GPC6: variants seen among roughly 807,000 people sequenced by gnomAD.
The protein encoded by GPC6 is glypican 6.
A neutral mutation model predicts 55.2 loss-of-function variants in GPC6; 14 were observed. That is an observed-to-expected ratio of 0.25 (90% CI 0.17 to 0.40). The LOEUF (loss-of-function observed/expected upper bound fraction) is 0.40. GPC6 is among the 10% of genes least tolerant of loss of function. The probability of loss-of-function intolerance (pLI) is 1.00; values close to 1 mark genes in which losing one functional copy is unlikely to be tolerated. For synonymous variants in GPC6, 278 were observed against 259.6 expected (o/e 1.07, Z -0.68); for missense variants, 641 against 708.5 (o/e 0.90, Z 1.08).
At chr13:93,291,553 T>C (rs1169329108) in intron 1 of GPC6, among the ~76,000 whole-genome samples, 1 of 152,152 alleles carries the variant, frequency 6.6e-6, no homozygotes, top group Admixed American at 6.6e-5. Context: ...TATTATAGTT[T>C]AAGTAGCTCA....
intron 1 of GPC6, among the ~76,000 whole-genome samples, chr13:93,336,631 T>G (rs1327560498): frequency 6.6e-6 from 1 of 152,164 alleles, no homozygotes; most frequent in Non-Finnish European, 1.5e-5. Flanking sequence ...GAAGCTCTGT[T>G]AGGTAACATT....
chr13:94,381,200 C>T (rs1334007405), intron 6 of GPC6, among the ~76,000 whole-genome samples: 1 of 152,134 alleles, frequency 6.6e-6, no homozygotes. Context: ...ATCCCATTCC[C>T]CATCAAATGT....
chr13:93,882,236 C>A (rs2140310854), intron 3 of GPC6, among the ~76,000 whole-genome samples: 1 of 152,074 alleles, frequency 6.6e-6, no homozygotes, highest in Admixed American at 6.6e-5. Flanking sequence ...CTCACTGCAG[C>A]CTTGACCTTC....
chr13:93,703,641 G>A (rs9301900), intron 2 of GPC6, among the ~76,000 whole-genome samples: 71,852 of 151,472 alleles, frequency 0.47, 19,084 homozygotes, highest in Middle Eastern at 0.73. Flanking sequence ...TCCACCCCCC[G>A]CCCCCGTTAA....
rs915718872 is a variant in GPC6, at chr13:93,801,427, T to G, written c.320-28727T>G. ...GTGGGTTTGATTCTTCCTCAGTGCT[T>G]TTCAATGTTGAGCATCTTTTCATTT... On this transcript the variant is annotated intron_variant, in intron 2 of 8. Transcript: ENST00000377047. Among the ~76,000 whole-genome samples, 3 of 152,176 alleles carry G rather than the reference T, an allele frequency of 2.0e-5. No homozygotes were observed. In the East Asian group the frequency reaches 5.8e-4, roughly 29 times the overall value.
chr13:93,870,024 A>G (rs1404235361), intron 3 of GPC6, among the ~76,000 whole-genome samples: 1 of 151,824 alleles, frequency 6.6e-6, no homozygotes. Flanking sequence ...AGTCACTTAT[A>G]TGATGTTTCT....
chr13:93,619,475 C>T (rs903169632), intron 2 of GPC6, among the ~76,000 whole-genome samples: 3 of 152,098 alleles, frequency 2.0e-5, no homozygotes, highest in African/African-American at 7.2e-5. Context: ...TATCTAGAGA[C>T]AGGGTTTCCC....
chr13:94,373,008 C>G, intron 6 of GPC6, among the ~76,000 whole-genome samples: 1 of 152,180 alleles, frequency 6.6e-6, no homozygotes, highest in Non-Finnish European at 1.5e-5. Flanking sequence ...AGGGTCCTAT[C>G]TGTTAGAAGG....
At chr13:94,196,061 A>T (rs1391686020) in intron 4 of GPC6, among the ~76,000 whole-genome samples, 1 of 152,170 alleles carries the variant, frequency 6.6e-6, no homozygotes, top group Non-Finnish European at 1.5e-5. Context: ...ACATCCCTCA[A>T]TGTTCTTTGT....
intron 7 of GPC6, among the ~76,000 whole-genome samples, chr13:94,384,580 G>T (rs138276350): frequency 1.6e-3 from 251 of 152,282 alleles, no homozygotes; most frequent in African/African-American, 5.8e-3. Flanking sequence ...GCGAAGTTAG[G>T]GGAAGAGACT....
chr13:94,286,295 T>C lies in GPC6; in HGVS notation c.878-54T>C, dbSNP rs1054646224. ...GTTTTAACAATGTTTAAACACAGGT[T>C]GGGAACCTGGAGCTCCCAGTTTGCA... On this transcript the variant is annotated intron_variant, in intron 4 of 8. Transcript: ENST00000377047. 4 of 1,601,184 alleles carry C rather than the reference T, an allele frequency of 2.5e-6. No homozygotes were observed. In the African/African-American group the frequency reaches 5.4e-5, roughly 21 times the overall value.
At chr13:93,407,556 C>CA (rs1461789980) in intron 1 of GPC6, among the ~76,000 whole-genome samples, 1 of 152,142 alleles carries the variant, frequency 6.6e-6, no homozygotes. Flanking sequence ...TACAGGCTTA[C>CA]ACAAGGAGAA....
At chr13:93,246,161 T>G (rs1274685621) in intron 1 of GPC6, among the ~76,000 whole-genome samples, 1 of 152,156 alleles carries the variant, frequency 6.6e-6, no homozygotes, top group Non-Finnish European at 1.5e-5. Flanking sequence ...CCCCTGACTT[T>G]TAGACTGTTA....
intron 1 of GPC6, among the ~76,000 whole-genome samples, chr13:93,324,880 G>A (rs931218944): frequency 2.0e-5 from 3 of 151,812 alleles, no homozygotes; most frequent in African/African-American, 4.8e-5. Flanking sequence ...CTTGAGTGGT[G>A]GCCCTTTGAT....
intron 3 of GPC6, among the ~76,000 whole-genome samples, chr13:93,916,147 C>T (rs1027126989): frequency 1.3e-5 from 2 of 152,070 alleles, no homozygotes; most frequent in Non-Finnish European, 2.9e-5. Context: ...AGTGATGTGT[C>T]ATATCCCATT....
chr13:93,360,026 G>A (rs1453718645), intron 1 of GPC6, among the ~76,000 whole-genome samples: 1 of 152,142 alleles, frequency 6.6e-6, no homozygotes, highest in Non-Finnish European at 1.5e-5. Context: ...GAAGATGAAA[G>A]TTTTTTCAAA....
At chr13:94,064,838 T>G (rs35138529) in intron 4 of GPC6, among the ~76,000 whole-genome samples, 50 of 152,290 alleles carry the variant, frequency 3.3e-4, no homozygotes, top group Non-Finnish European at 6.3e-4. Context: ...TTGTCATAAT[T>G]TATTAATCAT....
At chr13:94,251,240 T>C (rs1594098571) in intron 4 of GPC6, among the ~76,000 whole-genome samples, 1 of 141,906 alleles carries the variant, frequency 7.0e-6, no homozygotes, top group South Asian at 2.2e-4. Context: ...CATTCATAAG[T>C]GGGAGTTGAA....
intron 6 of GPC6, among the ~76,000 whole-genome samples, chr13:94,350,269 T>C (rs1007082008): frequency 6.6e-6 from 1 of 152,062 alleles, no homozygotes; most frequent in African/African-American, 2.4e-5. Flanking sequence ...TTAGAATCAC[T>C]TGGAGAGTTT....
Sources: allele counts gnomAD v4.1 joint callset (sites outside exome capture counted in the v4.1 genomes callset), GRCh38; gene constraint gnomAD v4.1.1; transcripts MANE v1.5; gene names NCBI Gene and HGNC (gene_info 2026-07-23, HGNC 2026-07-21).